The following CDA variants were observed in gnomAD, a reference collection of about 807,000 sequenced individuals.
The protein encoded by CDA is cytidine aminohydrolase.
Under a neutral mutation model 15.0 loss-of-function variants are expected in CDA, and 7 were observed. That is an observed-to-expected ratio of 0.47 (90% CI 0.26 to 0.87). CDA has a LOEUF of 0.87. Among genes scored for constraint, CDA ranks in the 40% least tolerant of loss-of-function variants. CDA has a pLI of 0.15. For synonymous variants in CDA, 58 were observed against 73.0 expected (o/e 0.79, Z 1.05); for missense variants, 159 against 182.7 (o/e 0.87, Z 0.75).
intron 1 of CDA, among the ~76,000 whole-genome samples, chr1:20,602,850 T>G (rs1487742123): frequency 6.6e-6 from 1 of 152,272 alleles, no homozygotes; most frequent in Non-Finnish European, 1.5e-5. Context: ...AGATCCCTTC[T>G]GGACATGGTT....
Position 20,618,500 on chromosome 1 carries a change from A to G in CDA, c.373A>G (p.Ile125Val), listed in dbSNP as rs2052840044. Residue 125 changes from isoleucine (I) to valine (V), a missense_variant, in exon 4 of 4, where the codon ATT becomes GTT. Coordinates refer to ENST00000375071, the MANE Select transcript of CDA (RefSeq NM_001785.3). ...VYMTKPDGTYIVMTVQELLPS... is the reference protein window; with the variant it reads ...VYMTKPDGTYVVMTVQELLPS... ...CATGACCAAGCCGGATGGTACGTATATTGTCATGACGGTCCAGGAGCTGCT... is the reference window on the plus strand; with the variant it reads ...CATGACCAAGCCGGATGGTACGTATGTTGTCATGACGGTCCAGGAGCTGCT... 6.2e-7 allele frequency: 1 copy of G among 1,613,494 alleles called. No individual in the cohort carries two copies. The highest frequency in any genetic ancestry group is 8.5e-7 in the Non-Finnish European group (1 of 1,179,784).
In CDA at chr1:20,610,261, C is replaced by CTTTTTTTTTTTTTT. The variant is rs760754305; in HGVS notation, c.267-3569_267-3568insTTTTTTTTTTTTTT. On this transcript the variant is annotated intron_variant, in intron 2 of 3. Transcript: ENST00000375071. ...CTGGCACATTCTAGGCACACATTATCTTTTTTTTTTTTATTTTATTTTATT... is the reference window on the plus strand; with the variant it reads ...CTGGCACATTCTAGGCACACATTATCTTTTTTTTTTTTTTTTTTTTTTTTTTATTTTATTTTATT... 2.7e-4 allele frequency among the ~76,000 whole-genome samples: 17 copies of CTTTTTTTTTTTTTT among 62,920 alleles called. 4 individuals carry two copies. The highest frequency in any genetic ancestry group is 6.0e-4 in the Non-Finnish European group (14 of 23,362). The allele number at this position is 62,920 out of a possible 152,430, so 41.3% of individuals were successfully genotyped here. A position where few individuals can be genotyped will look rare whatever the true frequency, so the allele number is the denominator to read the frequency against.
At position 20,617,599 on chromosome 1, in the gene CDA, C is replaced by T. The variant is rs2052826115; in HGVS notation, c.325-853C>T. On this transcript the variant is annotated intron_variant, in intron 3 of 3. Transcript: ENST00000375071. ...CTCTCTTGCCTGTTGCCAGGTAAGACATCCCTTTGCTCTTCCTTCCTCTTC... is the reference window on the plus strand; with the variant it reads ...CTCTCTTGCCTGTTGCCAGGTAAGATATCCCTTTGCTCTTCCTTCCTCTTC... Among the ~76,000 whole-genome samples, 4 of 152,196 alleles carry T rather than the reference C, an allele frequency of 2.6e-5. No homozygotes were observed. The South Asian group carries it at 8.3e-4, about 32-fold the overall frequency.
At chr1:20,593,154 G>T (rs1178964405) in intron 1 of CDA, among the ~76,000 whole-genome samples, 1 of 152,184 alleles carries the variant, frequency 6.6e-6, no homozygotes, top group Admixed American at 6.5e-5. Context: ...TCGCCAGCCA[G>T]GTGGCCCAGG....
intron 1 of CDA, among the ~76,000 whole-genome samples, chr1:20,602,333 C>T (rs2052652438): frequency 1.3e-5 from 2 of 152,098 alleles, no homozygotes; most frequent in South Asian, 4.1e-4. Flanking sequence ...GACCAGATTC[C>T]TTCTGTCTAG....
intron 3 of CDA, among the ~76,000 whole-genome samples, chr1:20,616,858 C>T (rs1426119241): frequency 4.6e-5 from 7 of 152,104 alleles, no homozygotes; most frequent in Admixed American, 2.6e-4. Flanking sequence ...TCTAAAAAAG[C>T]CAGAAGATTG....
intron 1 of CDA, among the ~76,000 whole-genome samples, chr1:20,596,087 T>A (rs1363373832): frequency 6.6e-6 from 1 of 152,042 alleles, no homozygotes; most frequent in Non-Finnish European, 1.5e-5. Flanking sequence ...AGGCGGAGGT[T>A]GCAGTGAGCT....
Position 20,605,615 on chromosome 1 carries a change from G to C in CDA, c.266+576G>C, listed in dbSNP as rs1421787567. On this transcript the variant is annotated intron_variant, in intron 2 of 3. Transcript: ENST00000375071. ...GCAGAGCTTGCAGTGAGCCGAGATG[G>C]CGCCACTGCACTCCAGCCTGGGCGA... is the stretch of plus-strand genomic sequence containing the variant. 1.7e-5 allele frequency among the ~76,000 whole-genome samples: 2 copies of C among 120,388 alleles called. 1 individual carries two copies. 79.0% of individuals were successfully genotyped at this position (120,388 alleles called of 152,430 possible).
rs574391811 is a variant in CDA at position 20,591,992 on chromosome 1, G to A, written c.154+2709G>A. Among the ~76,000 whole-genome samples, 17 of 151,976 alleles carry A rather than the reference G, an allele frequency of 1.1e-4. No individual in the cohort carries two copies. In the East Asian group the frequency reaches 1.9e-3, roughly 17 times the overall value. ...AGAGTAGCTGGGATTACAGGCACCCGCTACACACCTGGCTAATTTTTGTAC... is the reference window on the plus strand; with the variant it reads ...AGAGTAGCTGGGATTACAGGCACCCACTACACACCTGGCTAATTTTTGTAC... On this transcript the variant is annotated intron_variant, in intron 1 of 3. Coordinates refer to ENST00000375071, the MANE Select transcript of CDA (RefSeq NM_001785.3).
At chr1:20,614,866 A>G (rs544281148) in intron 3 of CDA, among the ~76,000 whole-genome samples, 2 of 151,130 alleles carry the variant, frequency 1.3e-5, no homozygotes, top group Admixed American at 1.3e-4. Flanking sequence ...TGAAGTGTAC[A>G]CTTTTTTTTT....
intron 1 of CDA, among the ~76,000 whole-genome samples, chr1:20,595,597 C>T (rs2052585474): frequency 6.6e-6 from 1 of 152,198 alleles, no homozygotes; most frequent in African/African-American, 2.4e-5. Context: ...CAAGGAACTT[C>T]AGTTAGTCCT....
intron 3 of CDA, among the ~76,000 whole-genome samples, chr1:20,616,666 G>A (rs950962365): frequency 2.0e-5 from 3 of 152,162 alleles, no homozygotes. Context: ...GCAAACGAGA[G>A]AAGGCAAATG....
At chr1:20,607,063 C>G (rs1485863230) in intron 2 of CDA, among the ~76,000 whole-genome samples, 1 of 152,200 alleles carries the variant, frequency 6.6e-6, no homozygotes, top group Non-Finnish European at 1.5e-5. Flanking sequence ...AGGTAATTAT[C>G]TCTTCACTCA....
At chr1:20,612,834 T>G (rs921071444) in intron 2 of CDA, among the ~76,000 whole-genome samples, 1 of 149,472 alleles carries the variant, frequency 6.7e-6, no homozygotes, top group African/African-American at 2.5e-5. Flanking sequence ...TCCCAGCTAC[T>G]CGGGAGGTTG....
intron 2 of CDA, among the ~76,000 whole-genome samples, chr1:20,608,036 G>C (rs552625477): frequency 3.3e-5 from 5 of 152,110 alleles, no homozygotes; most frequent in Non-Finnish European, 5.9e-5. Flanking sequence ...GTGTGACCAA[G>C]GTGAGCACAA....
rs2052525148 is a variant in CDA, at chr1:20,589,135, C to T, written c.6C>T (p.Ala2=). Residue 2 remains alanine, a synonymous_variant, in exon 1 of 4, where the codon GCC becomes GCT. Coordinates refer to ENST00000375071, the MANE Select transcript of CDA (RefSeq NM_001785.3). ...TGCCTGCCCGGGGTACCAACATGGC[C>T]CAGAAGCGTCCTGCCTGCACCCTGA... M[A]QKRPACTLKP... 1 of 1,614,064 alleles carries T rather than the reference C, an allele frequency of 6.2e-7. No homozygotes were observed. Among genetic ancestry groups the T allele is most frequent in the South Asian group, 1.1e-5 (1 of 91,080 alleles).
At chr1:20,606,387 C>A (rs540978064) in intron 2 of CDA, among the ~76,000 whole-genome samples, 1 of 151,986 alleles carries the variant, frequency 6.6e-6, no homozygotes, top group East Asian at 1.9e-4. Flanking sequence ...GACTCCCTTG[C>A]CACCACCCCC....
chr1:20,612,614 C>T (rs1048678722), intron 2 of CDA, among the ~76,000 whole-genome samples: 1 of 152,168 alleles, frequency 6.6e-6, no homozygotes, highest in Non-Finnish European at 1.5e-5. Flanking sequence ...ACTCTCTTTG[C>T]AGACTCAGCC....
rs112900558 is a variant in CDA, at chr1:20,613,678, C to T, written c.267-164C>T. On this transcript the variant is annotated intron_variant, in intron 2 of 3. Coordinates refer to ENST00000375071, the MANE Select transcript of CDA (RefSeq NM_001785.3). ...CTTGTGGCAGTGTGGAAAGCCACCA[C>T]GTGGCCTTCTCAGCCTTCAGGACAC... is the stretch of plus-strand genomic sequence containing the variant. Among the ~76,000 whole-genome samples, 657 of 152,298 alleles carry T rather than the reference C, an allele frequency of 4.3e-3. 6 individuals are homozygous for T. Among genetic ancestry groups the T allele is most frequent in the African/African-American group, 0.015 (614 of 41,550 alleles).
Sources: gnomAD v4.1 joint callset for allele counts (sites outside exome capture counted in the v4.1 genomes callset) on GRCh38, gnomAD v4.1.1 for gene constraint, MANE v1.5 for transcripts, NCBI Gene and HGNC (gene_info 2026-07-23, HGNC 2026-07-21) for gene names.